SLC35F4: variants seen among roughly 807,000 people sequenced by gnomAD.
SLC35F4 encodes the protein solute carrier family 35 member F4.
In SLC35F4, 24 loss-of-function variants were observed where a neutral mutation model predicts 44.2. That is an observed-to-expected ratio of 0.54 (90% confidence interval 0.39 to 0.76). The LOEUF (loss-of-function observed/expected upper bound fraction) is 0.76, where lower values mean the gene tolerates loss of function less well. Among genes scored for constraint, SLC35F4 ranks in the 30% least tolerant of loss-of-function variants. The pLI is 0.00. For synonymous variants in SLC35F4, 238 were observed against 223.6 expected (o/e 1.06, Z -0.57); for missense variants, 562 against 586.1 (o/e 0.96, Z 0.42).
At chr14:57,838,161 C>T (rs771757938) in intron 1 of SLC35F4, among the ~76,000 whole-genome samples, 2 of 152,132 alleles carry the variant, frequency 1.3e-5, no homozygotes, top group Non-Finnish European at 2.9e-5. Context: ...AGCAATGTTT[C>T]ATAATAAAGG....
chr14:57,649,918 G>T (rs575302591), intron 1 of SLC35F4, among the ~76,000 whole-genome samples: 1 of 152,232 alleles, frequency 6.6e-6, no homozygotes, highest in African/African-American at 2.4e-5. Flanking sequence ...CCTCAGATAT[G>T]CACCCCATGT....
intron 1 of SLC35F4, among the ~76,000 whole-genome samples, chr14:57,810,709 G>C (rs1307807607): frequency 6.6e-6 from 1 of 152,180 alleles, no homozygotes; most frequent in Non-Finnish European, 1.5e-5. Flanking sequence ...CAGTATTTCA[G>C]AGAACACTAT....
intron 2 of SLC35F4, among the ~76,000 whole-genome samples, chr14:57,591,080 T>C (rs554875792): frequency 1.3e-5 from 2 of 152,234 alleles, no homozygotes; most frequent in Non-Finnish European, 2.9e-5. Context: ...TCTCAGAGCC[T>C]AGGCATCCAG....
intron 1 of SLC35F4, among the ~76,000 whole-genome samples, chr14:57,744,425 A>G (rs919821394): frequency 9.2e-5 from 14 of 152,174 alleles, no homozygotes; most frequent in African/African-American, 3.4e-4. Flanking sequence ...ATTCCTATAC[A>G]CCAAGAACAG....
At chr14:57,664,513 A>G (rs1198948015) in intron 1 of SLC35F4, among the ~76,000 whole-genome samples, 2 of 152,026 alleles carry the variant, frequency 1.3e-5, no homozygotes, top group African/African-American at 4.8e-5. Context: ...CGTTCAAGTG[A>G]TTTTCCTGCC....
intron 1 of SLC35F4, among the ~76,000 whole-genome samples, chr14:57,727,652 T>C (rs754963824): frequency 2.0e-5 from 3 of 152,254 alleles, no homozygotes; most frequent in Non-Finnish European, 4.4e-5. Flanking sequence ...ATTTACCCAC[T>C]GGTCATTCAG....
chr14:57,953,537 T>G (rs2141082394), intron 1 of SLC35F4, among the ~76,000 whole-genome samples: 1 of 152,172 alleles, frequency 6.6e-6, no homozygotes, highest in Middle Eastern at 3.4e-3. Flanking sequence ...GAGAACCATC[T>G]CATGTGAAAA....
intron 1 of SLC35F4, among the ~76,000 whole-genome samples, chr14:57,803,057 A>T (rs1165137537): frequency 6.6e-6 from 1 of 151,978 alleles, no homozygotes; most frequent in East Asian, 1.9e-4. Flanking sequence ...AATCCTCAGT[A>T]AAATACTGGC....
chr14:57,851,724 G>A (rs1886584268), intron 1 of SLC35F4, among the ~76,000 whole-genome samples: 4 of 152,150 alleles, frequency 2.6e-5, no homozygotes, highest in Admixed American at 2.0e-4. Context: ...AGAACAGAAT[G>A]AGAACCTTAA....
chr14:57,877,971 C>T (rs1185481578), intron 1 of SLC35F4, among the ~76,000 whole-genome samples: 1 of 152,046 alleles, frequency 6.6e-6, no homozygotes, highest in African/African-American at 2.4e-5. Flanking sequence ...AGGCATGAGG[C>T]ACCATGCCCA....
intron 1 of SLC35F4, among the ~76,000 whole-genome samples, chr14:57,739,007 TC>T (rs141652756): frequency 0.19 from 28,611 of 151,806 alleles, 2,915 homozygotes; most frequent in South Asian, 0.27. Context: ...ATACAAAGTT[TC>T]TTTTTTATCC....
intron 1 of SLC35F4, among the ~76,000 whole-genome samples, chr14:57,609,224 T>C (rs2071348644): frequency 6.6e-6 from 1 of 152,126 alleles, no homozygotes. Context: ...TTCAGCGTAG[T>C]TTTATTAGAA....
intron 1 of SLC35F4, among the ~76,000 whole-genome samples, chr14:57,980,834 C>T (rs1465344261): frequency 6.6e-6 from 1 of 152,204 alleles, no homozygotes; most frequent in Non-Finnish European, 1.5e-5. Flanking sequence ...TAAATAGCTA[C>T]ATGTGGCTAG....
intron 1 of SLC35F4, among the ~76,000 whole-genome samples, chr14:57,905,577 G>C (rs759437622): frequency 6.6e-4 from 100 of 152,202 alleles, no homozygotes; most frequent in Non-Finnish European, 9.0e-4. Context: ...TGCAGAGTTA[G>C]AAAGTCAGGA....
chr14:57,584,215 G>A (rs578200070), intron 3 of SLC35F4, among the ~76,000 whole-genome samples: 2 of 152,074 alleles, frequency 1.3e-5, no homozygotes, highest in South Asian at 2.1e-4. Flanking sequence ...GAATTCTCTT[G>A]TAGTATATAA....
chr14:57,709,143 A>G (rs1019683853), intron 1 of SLC35F4, among the ~76,000 whole-genome samples: 3 of 152,094 alleles, frequency 2.0e-5, no homozygotes, highest in African/African-American at 7.2e-5. Context: ...GAGGTGGAGG[A>G]GTAGAGTCTT....
At chr14:57,797,483 A>G (rs1327505177) in intron 1 of SLC35F4, among the ~76,000 whole-genome samples, 1 of 152,180 alleles carries the variant, frequency 6.6e-6, no homozygotes, top group Non-Finnish European at 1.5e-5. Context: ...CTAGCTGTGT[A>G]TTCTTCTGCC....
chr14:57,899,603 A>G (rs1433903504), intron 1 of SLC35F4, among the ~76,000 whole-genome samples: 1 of 152,220 alleles, frequency 6.6e-6, no homozygotes. Flanking sequence ...AGCGAAAAGA[A>G]TGTCATTGGC....
At chr14:57,919,403 G>A (rs553670207) in intron 1 of SLC35F4, among the ~76,000 whole-genome samples, 1 of 152,294 alleles carries the variant, frequency 6.6e-6, no homozygotes, top group South Asian at 2.1e-4. Flanking sequence ...AAGCAGTTAG[G>A]GAAAGGGTTT....
Sources: allele counts gnomAD v4.1 joint callset (sites outside exome capture counted in the v4.1 genomes callset), GRCh38; gene constraint gnomAD v4.1.1; transcripts MANE v1.5; gene names NCBI Gene and HGNC (gene_info 2026-07-23, HGNC 2026-07-21).